The following PCDHGA5 variants were observed in gnomAD, a reference collection of about 807,000 sequenced individuals.
The protein encoded by PCDHGA5 is protocadherin gamma subfamily A, 5, also known as protocadherin gamma-A5.
Under a neutral mutation model 56.7 loss-of-function variants are expected in PCDHGA5, and 36 were observed. The ratio of observed to expected loss-of-function variants is 0.64; its 90% CI spans 0.49 to 0.84. PCDHGA5 has a LOEUF of 0.84. Ranked by LOEUF, PCDHGA5 falls within the 40% of genes least tolerant of loss-of-function variation. PCDHGA5 has a pLI of 0.00. For synonymous variants in PCDHGA5, 563 were observed against 520.2 expected, an observed-to-expected ratio of 1.08 and a Z score of -1.12; for missense variants, 1,305 against 1,201.5, an observed-to-expected ratio of 1.09 and a Z score of -1.27.
intron 1 of PCDHGA5, among the ~76,000 whole-genome samples, chr5:141,463,839 T>C (rs1356261890): frequency 1.3e-5 from 2 of 152,240 alleles, no homozygotes; most frequent in African/African-American, 4.8e-5. Flanking sequence ...TTCCCAGTTG[T>C]TATAGTGGTA....
intron 1 of PCDHGA5, among the ~76,000 whole-genome samples, chr5:141,445,892 T>C (rs2154561169): frequency 6.6e-6 from 1 of 152,346 alleles, no homozygotes; most frequent in African/African-American, 2.4e-5. Context: ...TTAGGAGCTA[T>C]TAAAATATTT....
chr5:141,398,736 A>G (rs748665574), intron 1 of PCDHGA5: 1 of 1,613,884 alleles, frequency 6.2e-7, no homozygotes, highest in South Asian at 1.1e-5. Context: ...TAGACCGGGA[A>G]CAACAGAGTT....
intron 1 of PCDHGA5, chr5:141,371,739 G>A (rs1356190228): frequency 6.2e-7 from 1 of 1,614,036 alleles, no homozygotes; most frequent in South Asian, 1.1e-5. Flanking sequence ...CAACGACAAC[G>A]TTCCCGTTTT....
intron 1 of PCDHGA5, chr5:141,413,033 T>C: frequency 1.3e-6 from 1 of 776,760 alleles, no homozygotes; most frequent in Non-Finnish European, 2.0e-6. Context: ...ACAAACCGGC[T>C]GCTGGGCTGC....
intron 1 of PCDHGA5, among the ~76,000 whole-genome samples, chr5:141,470,842 C>A (rs2099241464): frequency 6.6e-6 from 1 of 152,044 alleles, no homozygotes; most frequent in Non-Finnish European, 1.5e-5. Context: ...CACACGCCAC[C>A]ATGCTCAGAT....
chr5:141,379,773 T>C (rs575153200), intron 1 of PCDHGA5: 2 of 152,144 alleles, frequency 1.3e-5, no homozygotes, highest in South Asian at 2.1e-4. Flanking sequence ...ATACAGATCA[T>C]TAATAATAAG....
intron 1 of PCDHGA5, chr5:141,421,396 C>T: frequency 2.5e-6 from 4 of 1,614,036 alleles, no homozygotes; most frequent in South Asian, 1.1e-5. Context: ...GGGGCTGGAG[C>T]CCCGGGAGCT....
chr5:141,376,420 T>C (rs1312408619), intron 1 of PCDHGA5: 5 of 1,614,196 alleles, frequency 3.1e-6, no homozygotes, highest in African/African-American at 1.3e-5. Context: ...CCGACACGCT[T>C]ATCAACCAGG....
chr5:141,410,419 TC>T (rs769125626), intron 1 of PCDHGA5: 1 of 1,613,886 alleles, frequency 6.2e-7, no homozygotes, highest in South Asian at 1.1e-5. Flanking sequence ...GACCTGTAGT[TC>T]CCCCCAACTA....
In PCDHGA5 at chr5:141,511,352, C is replaced by A. The variant is rs2099883742; in HGVS notation, c.*179C>A. The A allele has an allele frequency of 3.6e-6, 5 of 1,381,248 alleles. No homozygotes were observed. The highest frequency in any genetic ancestry group is 2.7e-4 in the Middle Eastern group (1 of 3,772). 85.6% of individuals were successfully genotyped at this position (1,381,248 alleles called of 1,614,324 possible). ...CAGTCAGCACCTACCCCTTCCCCCCCAGGGGGTTGAATATGCAAAAGCAGT... is the reference window on the plus strand; with the variant it reads ...CAGTCAGCACCTACCCCTTCCCCCCAAGGGGGTTGAATATGCAAAAGCAGT... On this transcript the variant is annotated 3_prime_UTR_variant, in exon 4 of 4. Coordinates refer to ENST00000518069, the MANE Select transcript of PCDHGA5 (RefSeq NM_018918.3).
chr5:141,476,551 C>A lies in PCDHGA5; in HGVS notation c.2422-18256C>A, dbSNP rs367700651. 6.2e-7 allele frequency: 1 copy of A among 1,614,196 alleles called. No individual in the cohort carries two copies. The highest frequency in any genetic ancestry group is 1.7e-5 in the Admixed American group (1 of 60,028). ...CCCAGGAAATGAAATTGGAGATTAG[C>A]GAGGCCGTGGCTCCGGGGACGCGCT... On this transcript the variant is annotated intron_variant, in intron 1 of 3. Transcript: ENST00000518069. This position sits in a 1 kb window ranked among gnomAD's most constrained non-coding sequence, Gnocchi z 7.6.
Position 141,489,629 on chromosome 5 carries a change from C to G in PCDHGA5, c.2422-5178C>G. 6.2e-7 allele frequency: 1 copy of G among 1,614,142 alleles called. No individual in the cohort carries two copies. The highest frequency in any genetic ancestry group is 8.5e-7 in the Non-Finnish European group (1 of 1,180,014). On this transcript the variant is annotated intron_variant, in intron 1 of 3. Coordinates refer to ENST00000518069, the MANE Select transcript of PCDHGA5 (RefSeq NM_018918.3). The surrounding 1 kb of genome is among the most constrained non-coding windows in gnomAD (Gnocchi z 4.5). Reference sequence around the variant, plus strand: ...GAGATCCTGGATCTCAATGACAACTCTCCTAGCTTTGCCACCCCTGAGCGA... The same window carrying G: ...GAGATCCTGGATCTCAATGACAACTGTCCTAGCTTTGCCACCCCTGAGCGA...
In PCDHGA5 at chr5:141,418,992, A is replaced by G. The variant is rs554523363; in HGVS notation, c.2421+52241A>G. 28 of 1,613,802 alleles carry G rather than the reference A, an allele frequency of 1.7e-5. No individual in the cohort carries two copies. The African/African-American group carries it at 2.7e-4, about 15-fold the overall frequency. On this transcript the variant is annotated intron_variant, in intron 1 of 3. Coordinates refer to ENST00000518069, the MANE Select transcript of PCDHGA5 (RefSeq NM_018918.3). Reference sequence around the variant, plus strand: ...AAAACACGGGACCAAGACTCAGGGGAAAATGGGGAAGTCAGGTGTAGCTTA... The same window carrying G: ...AAAACACGGGACCAAGACTCAGGGGGAAATGGGGAAGTCAGGTGTAGCTTA...
chr5:141,499,689 CTTTTTTTTTTTT>C (rs545067566), intron 2 of PCDHGA5, among the ~76,000 whole-genome samples: 1 of 119,856 alleles, frequency 8.3e-6, no homozygotes, highest in Non-Finnish European at 1.7e-5. Flanking sequence ...TAACAGATGA[CTTTTTTTTTTTT>C]TTTTTTTTTT....
chr5:141,421,650 A>G, intron 1 of PCDHGA5: 1 of 1,613,868 alleles, frequency 6.2e-7, no homozygotes, highest in South Asian at 1.1e-5. Flanking sequence ...AAGTGGAGAT[A>G]AAAGTCAGTG....
intron 1 of PCDHGA5, chr5:141,441,971 G>A: frequency 3.3e-6 from 1 of 298,820 alleles, no homozygotes; most frequent in Non-Finnish European, 6.5e-6. Flanking sequence ...AGGCTCTTCA[G>A]CCTGGAATGC....
chr5:141,432,887 T>A lies in PCDHGA5; in HGVS notation c.2422-61920T>A, dbSNP rs146168033. On this transcript the variant is annotated intron_variant, in intron 1 of 3. Coordinates refer to ENST00000518069, the MANE Select transcript of PCDHGA5 (RefSeq NM_018918.3). The surrounding 1 kb of genome is among the most constrained non-coding windows in gnomAD (Gnocchi z 6.0). ...CTGCGTCTTCCTGGCCTTCGTCATC[T>A]TGCTGCTGGCGCTCAGGCTGCGGCG... 1.2e-6 allele frequency: 2 copies of A among 1,614,056 alleles called. No homozygotes were observed. Among genetic ancestry groups the A allele is most frequent in the Non-Finnish European group, 1.7e-6 (2 of 1,179,998 alleles).
At chr5:141,415,285 G>A (rs1561755891) in intron 1 of PCDHGA5, 3 of 1,614,216 alleles carry the variant, frequency 1.9e-6, no homozygotes, top group Non-Finnish European at 2.5e-6. Context: ...GGTGGCCGCG[G>A]TCTCCTGCGT....
intron 2 of PCDHGA5, among the ~76,000 whole-genome samples, chr5:141,505,145 G>A (rs540889707): frequency 1.3e-5 from 2 of 152,288 alleles, no homozygotes; most frequent in East Asian, 3.9e-4. Flanking sequence ...CTGGATGACA[G>A]AGTAAGACCC....
Sources: allele counts gnomAD v4.1 joint callset (sites outside exome capture counted in the v4.1 genomes callset), GRCh38; gene constraint gnomAD v4.1.1; non-coding constraint Gnocchi (gnomAD v3.1); transcripts MANE v1.5; gene names NCBI Gene and HGNC (gene_info 2026-07-23, HGNC 2026-07-21).